GLMN: variants seen among roughly 807,000 people sequenced by gnomAD.
GLMN encodes the protein glomulin.
In GLMN, 75 loss-of-function variants were observed where a neutral mutation model predicts 87.8. The observed-to-expected ratio is 0.85, with a 90% CI of 0.71 to 1.04. The LOEUF (loss-of-function observed/expected upper bound fraction) is 1.04, where lower values mean the gene tolerates loss of function less well. Among genes scored for constraint, GLMN ranks in the 50% least tolerant of loss-of-function variants. GLMN has a pLI of 0.00. For missense variants in GLMN, 588 were observed against 658.8 expected (o/e 0.89, Z 1.18); for synonymous variants, 206 against 221.6 (o/e 0.93, Z 0.63).
intron 16 of GLMN, among the ~76,000 whole-genome samples, chr1:92,259,437 G>A (rs893809554): frequency 4.6e-5 from 7 of 152,152 alleles, no homozygotes; most frequent in Non-Finnish European, 8.8e-5. Flanking sequence ...ATAGTAGGGT[G>A]AGGAAGGAGG....
chr1:92,277,292 T>C (rs1285634543), intron 7 of GLMN, among the ~76,000 whole-genome samples: 1 of 152,220 alleles, frequency 6.6e-6, no homozygotes, highest in African/African-American at 2.4e-5. Flanking sequence ...TCATCTTCCT[T>C]TAAAGTGATG....
chr1:92,311,069 T>C, the GLMN span, among the ~76,000 whole-genome samples: 4 of 152,252 alleles, frequency 2.6e-5, no homozygotes, highest in African/African-American at 7.2e-5. Context: ...TGATATTTTC[T>C]ACTCTGTTGC....
At chr1:92,360,158 G>C in the GLMN span, among the ~76,000 whole-genome samples, 3 of 152,184 alleles carry the variant, frequency 2.0e-5, no homozygotes, top group African/African-American at 2.4e-5. Flanking sequence ...TAATCAACCA[G>C]AACACTGTTA....
At chr1:92,303,575 A>G (rs1397188914), upstream of GLMN, among the ~76,000 whole-genome samples, 3 of 152,218 alleles carry the variant, frequency 2.0e-5, no homozygotes, top group Non-Finnish European at 4.4e-5. Flanking sequence ...TTTAAAAAAT[A>G]GGTAAAATTA....
intron 3 of GLMN, among the ~76,000 whole-genome samples, chr1:92,296,539 C>A (rs1452713984): frequency 6.6e-6 from 1 of 152,178 alleles, no homozygotes; most frequent in African/African-American, 2.4e-5. Context: ...ATGATTCAAT[C>A]ACCTCCACCT....
chr1:92,286,615 C>T (rs1648787152), intron 6 of GLMN, 23 bp from the exon 7 acceptor site: 3 of 1,130,814 alleles, frequency 2.7e-6, no homozygotes, highest in Admixed American at 1.7e-5. Flanking sequence ...AAATAGGTAA[C>T]TATGAAATCA....
At chr1:92,290,819 T>C (rs557098307) in intron 4 of GLMN, among the ~76,000 whole-genome samples, 5 of 152,336 alleles carry the variant, frequency 3.3e-5, no homozygotes, top group African/African-American at 1.2e-4. Context: ...TTTGCACTGA[T>C]CACTAAACAG....
chr1:92,344,366 C>T, the GLMN span, among the ~76,000 whole-genome samples: 4 of 152,134 alleles, frequency 2.6e-5, no homozygotes, highest in Non-Finnish European at 1.5e-5. Context: ...GAGCATGCCA[C>T]TGCACTCCAG....
At chr1:92,264,853 A>G (rs1176963135) in intron 13 of GLMN, among the ~76,000 whole-genome samples, 1 of 152,122 alleles carries the variant, frequency 6.6e-6, no homozygotes, top group Non-Finnish European at 1.5e-5. Flanking sequence ...ATTTTATTTT[A>G]CTTTTTTAGA....
the GLMN span, among the ~76,000 whole-genome samples, chr1:92,318,140 T>C: frequency 1.6e-4 from 25 of 152,216 alleles, no homozygotes; most frequent in African/African-American, 5.5e-4. Context: ...TCTTAAACAA[T>C]TGTAGATTCT....
the GLMN span, among the ~76,000 whole-genome samples, chr1:92,310,242 C>T: frequency 3.9e-5 from 6 of 152,238 alleles, no homozygotes; most frequent in East Asian, 1.2e-3. Context: ...TTTCCAAATT[C>T]TTAGGGGCAG....
chr1:92,259,239 C>T (rs1258894396), intron 16 of GLMN, among the ~76,000 whole-genome samples: 1 of 151,958 alleles, frequency 6.6e-6, no homozygotes, highest in Non-Finnish European at 1.5e-5. Context: ...TTCGAAACAA[C>T]TAATAATTAT....
chr1:92,363,634 A>G, the GLMN span: 1 of 254,308 alleles, frequency 3.9e-6, no homozygotes, highest in Non-Finnish European at 7.9e-6. Flanking sequence ...GTCCACTTCT[A>G]TGCGGATATT....
At chr1:92,326,994 T>G in the GLMN span, among the ~76,000 whole-genome samples, 3 of 152,194 alleles carry the variant, frequency 2.0e-5, no homozygotes, top group Non-Finnish European at 2.9e-5. Context: ...TTGGAATTGT[T>G]ACAAAGTTCA....
the GLMN span, chr1:92,307,399 G>C: frequency 1.7e-6 from 1 of 605,412 alleles, no homozygotes; most frequent in South Asian, 2.5e-5. Context: ...TATACTTTAT[G>C]GGGAAATGGT....
intron 7 of GLMN, among the ~76,000 whole-genome samples, chr1:92,281,318 A>G (rs1040671134): frequency 2.6e-5 from 4 of 152,238 alleles, no homozygotes; most frequent in Non-Finnish European, 5.9e-5. Flanking sequence ...AAAATTCAAC[A>G]TTCTTAAAGA....
At chr1:92,367,106 C>T in the GLMN span, among the ~76,000 whole-genome samples, 1 of 152,186 alleles carries the variant, frequency 6.6e-6, no homozygotes, top group Non-Finnish European at 1.5e-5. Flanking sequence ...TAGCACTCTT[C>T]TTAGCCAGTA....
chr1:92,269,090 T>C (rs1166814201), intron 9 of GLMN, among the ~76,000 whole-genome samples: 1 of 151,930 alleles, frequency 6.6e-6, no homozygotes, highest in African/African-American at 2.4e-5. Flanking sequence ...GGCTAATTTT[T>C]TCTATTTTTT....
chr1:92,303,525 CAAT>C (rs879513351), upstream of GLMN, among the ~76,000 whole-genome samples: 6 of 152,082 alleles, frequency 3.9e-5, no homozygotes, highest in Non-Finnish European at 7.4e-5. Context: ...TCTGCAGTAA[CAAT>C]GACACTTTTG....
Sources: gnomAD v4.1 joint callset for allele counts (sites outside exome capture counted in the v4.1 genomes callset) on GRCh38, gnomAD v4.1.1 for gene constraint, MANE v1.5 for transcripts, NCBI Gene and HGNC (gene_info 2026-07-23, HGNC 2026-07-21) for gene names.